The following UVSSA variants were observed in gnomAD, a reference collection of about 807,000 sequenced individuals.
The protein encoded by UVSSA is UV stimulated scaffold protein A, also known as UV-stimulated scaffold protein A.
UVSSA carries 72 observed loss-of-function variants against 73.9 expected under a neutral mutation model. The observed-to-expected ratio is 0.97, with a 90% CI of 0.81 to 1.19. The LOEUF (loss-of-function observed/expected upper bound fraction) is 1.19. Ranked by LOEUF, UVSSA falls within the 50% of genes most tolerant of loss-of-function variation. The pLI, the probability that UVSSA is intolerant of heterozygous loss-of-function variation, is 0.00. For missense variants in UVSSA, 1,150 were observed against 965.0 expected, an observed-to-expected ratio of 1.19 and a Z score of -2.54; for synonymous variants, 454 against 391.3, an observed-to-expected ratio of 1.16 and a Z score of -1.89.
At chr4:1,362,472 C>CT (rs1423968336) in intron 7 of UVSSA, among the ~76,000 whole-genome samples, 1 of 152,234 alleles carries the variant, frequency 6.6e-6, no homozygotes, top group African/African-American at 2.4e-5. Context: ...TCACAGGAAA[C>CT]TCGGCTGCCA....
At chr4:1,347,987 C>G in intron 1 of UVSSA, 103 bp from the exon 2 acceptor site, 1 of 964,570 alleles carries the variant, frequency 1.0e-6, no homozygotes, top group Non-Finnish European at 1.6e-6. Context: ...CAGGGTCCTC[C>G]CGGAGCTTTC....
intron 8 of UVSSA, 70 bp downstream of exon 8, chr4:1,366,501 G>T (rs1021622515): frequency 1.5e-4 from 177 of 1,205,740 alleles, no homozygotes; most frequent in Non-Finnish European, 3.1e-5. Flanking sequence ...GCCCCTTGGG[G>T]TCATGACCTC....
At chr4:1,374,567 C>T (rs1718519024) in intron 8 of UVSSA, among the ~76,000 whole-genome samples, 1 of 152,240 alleles carries the variant, frequency 6.6e-6, no homozygotes, top group Admixed American at 6.5e-5. Context: ...CCTGTCATCT[C>T]TGTGGGACGT....
rs372184632 is a variant in UVSSA, at chr4:1,380,037, G to A, written c.1569-10G>A. ...GCAGATGCTATGAGGGCCTCTGGCT[G>A]TGTCTGCAGGTCTGACTCCCAGCAC... On this transcript the variant is annotated splice_polypyrimidine_tract_variant and intron_variant, in intron 10 of 13. Coordinates refer to ENST00000389851, the MANE Select transcript of UVSSA (RefSeq NM_020894.4). 2.0e-5 allele frequency: 32 copies of A among 1,594,126 alleles called. No individual in the cohort carries two copies. The African/African-American group carries it at 4.3e-4, about 21-fold the overall frequency.
intron 10 of UVSSA, among the ~76,000 whole-genome samples, chr4:1,378,204 G>A (rs939549141): frequency 6.6e-6 from 1 of 152,190 alleles, no homozygotes; most frequent in African/African-American, 2.4e-5. Context: ...CAGGGCTGAT[G>A]GGGGTGGCGG....
rs563878726 is a variant in UVSSA, at chr4:1,375,908, G to T, written c.1434-126G>T. ...GGCCCTGAGGCCCAGGCGTCGTGTG[G>T]CAGAAGCCATTGCTCACCTGATCCG... On this transcript the variant is annotated intron_variant, in intron 9 of 13. Coordinates refer to ENST00000389851, the MANE Select transcript of UVSSA (RefSeq NM_020894.4). 22 of 1,422,288 alleles carry T rather than the reference G, an allele frequency of 1.5e-5. No homozygotes were observed. In the South Asian group the frequency reaches 2.5e-4, roughly 16 times the overall value. 88.1% of individuals were successfully genotyped at this position (1,422,288 alleles called of 1,614,324 possible). A position where few individuals can be genotyped will look rare whatever the true frequency, so the allele number is the denominator to read the frequency against.
intron 7 of UVSSA, 129 bp from the exon 8 acceptor site, chr4:1,366,191 C>A: frequency 1.4e-6 from 1 of 719,966 alleles, no homozygotes. Context: ...CCAACCGTGG[C>A]TGATGTTGGA....
chr4:1,345,899 CAG>C (rs923219366), upstream of UVSSA, among the ~76,000 whole-genome samples: 37 of 152,094 alleles, frequency 2.4e-4, no homozygotes, highest in Non-Finnish European at 4.7e-4. Flanking sequence ...CTGTAGAAGA[CAG>C]AGGGAAACTG....
intron 8 of UVSSA, among the ~76,000 whole-genome samples, chr4:1,369,140 C>T (rs368460574): frequency 4.0e-5 from 6 of 151,400 alleles, no homozygotes; most frequent in Non-Finnish European, 8.8e-5. Flanking sequence ...GCCGTTCTGC[C>T]GTCAGCCTTG....
At position 1,353,595 on chromosome 4, in the gene UVSSA, A is replaced by G. The variant is rs1715156435; in HGVS notation, c.934+182A>G. 2.6e-5 allele frequency among the ~76,000 whole-genome samples: 4 copies of G among 151,964 alleles called. No individual in the cohort carries two copies. The South Asian group carries it at 8.3e-4, about 32-fold the overall frequency. ...CCTCTGCACTGGGCTCCCCCCACCCATGCCAGGCCTCTGTGGCCACAGGGA... is the reference window on the plus strand; with the variant it reads ...CCTCTGCACTGGGCTCCCCCCACCCGTGCCAGGCCTCTGTGGCCACAGGGA... On this transcript the variant is annotated intron_variant, in intron 5 of 13. Coordinates refer to ENST00000389851, the MANE Select transcript of UVSSA (RefSeq NM_020894.4).
chr4:1,359,616 C>T (rs866211233), intron 7 of UVSSA, among the ~76,000 whole-genome samples: 3 of 152,060 alleles, frequency 2.0e-5, no homozygotes, highest in African/African-American at 4.8e-5. Flanking sequence ...CTGAAAGATA[C>T]GGGTTTGTTT....
At chr4:1,379,339 C>T (rs1297592011) in intron 10 of UVSSA, among the ~76,000 whole-genome samples, 2 of 152,236 alleles carry the variant, frequency 1.3e-5, no homozygotes, top group Non-Finnish European at 2.9e-5. Flanking sequence ...CCTGCCTGGG[C>T]ATCCAGGTGG....
chr4:1,351,967 C>A, intron 4 of UVSSA, 132 bp downstream of exon 4: 1 of 1,408,968 alleles, frequency 7.1e-7, no homozygotes, highest in Non-Finnish European at 9.5e-7. Context: ...GGAGAGGATT[C>A]AGGTCGGGCC....
In UVSSA at chr4:1,351,765, AGAG is replaced by A; in HGVS notation, c.484_486del (p.Glu162del). 8.7e-6 allele frequency: 14 copies of A among 1,613,626 alleles called. No individual in the cohort carries two copies. The highest frequency in any genetic ancestry group is 1.2e-5 in the Non-Finnish European group (14 of 1,179,808). On this transcript the variant is annotated inframe_deletion, in exon 4 of 14. Coordinates refer to ENST00000389851, the MANE Select transcript of UVSSA (RefSeq NM_020894.4). ...GGAGTCTGGCAGAAAGGAAGAGAGA[AGAG>A]GAGAAGCAGAAGCACTTGGATAAAA...
chr4:1,377,088 G>C (rs1212658778), intron 10 of UVSSA, among the ~76,000 whole-genome samples: 1 of 152,196 alleles, frequency 6.6e-6, no homozygotes, highest in Non-Finnish European at 1.5e-5. Context: ...CGTGATGCGG[G>C]AGCGTCTCAT....
chr4:1,376,648 G>A (rs912555360), intron 10 of UVSSA, among the ~76,000 whole-genome samples: 4 of 152,160 alleles, frequency 2.6e-5, no homozygotes, highest in South Asian at 2.1e-4. Flanking sequence ...ACCCCTCACC[G>A]CACTGGCCTC....
At chr4:1,354,479 C>A in intron 5 of UVSSA, 1 of 512,224 alleles carries the variant, frequency 2.0e-6, no homozygotes, top group South Asian at 2.1e-5. Flanking sequence ...GGGATGGCTG[C>A]AGCCAAGGAG....
At chr4:1,372,866 T>G (rs6838590) in intron 8 of UVSSA, among the ~76,000 whole-genome samples, 16 of 100,522 alleles carry the variant, frequency 1.6e-4, no homozygotes, top group African/African-American at 4.9e-4. Flanking sequence ...GTCCCTGCAC[T>G]CACCTCCCGC....
chr4:1,395,929 C>G, exon 14 of UVSSA: 1 of 1,553,682 alleles, frequency 6.4e-7, no homozygotes, highest in South Asian at 1.3e-5. Flanking sequence ...TAGCCTGGTG[C>G]TTTTCGTATC....
Sources: gnomAD v4.1 joint callset for allele counts (sites outside exome capture counted in the v4.1 genomes callset) on GRCh38, gnomAD v4.1.1 for gene constraint, MANE v1.5 for transcripts, NCBI Gene and HGNC (gene_info 2026-07-23, HGNC 2026-07-21) for gene names.